The following SPG7 variants were observed in gnomAD, a reference collection of about 807,000 sequenced individuals.
SPG7 encodes the protein SPG7 matrix AAA peptidase subunit, paraplegin.
In SPG7, 103 loss-of-function variants were observed where a neutral mutation model predicts 81.9. That is an observed-to-expected ratio of 1.26 (90% confidence interval 1.07 to 1.48). The LOEUF (loss-of-function observed/expected upper bound fraction) is 1.48. Ranked by LOEUF, SPG7 falls within the 40% of genes most tolerant of loss-of-function variation. SPG7 has a pLI of 0.00. For missense variants in SPG7, 1,241 were observed against 1,087.3 expected (o/e 1.14, Z -1.99); for synonymous variants, 534 against 444.2 (o/e 1.20, Z -2.54).
At position 89,556,982 on chromosome 16, in the gene SPG7, A is replaced by G; in HGVS notation, c.2277A>G (p.Ala759=). Residue 759 remains alanine (A), a synonymous_variant, in exon 17 of 17, where the codon GCA becomes GCG. Coordinates refer to ENST00000645818, the MANE Select transcript of SPG7 (RefSeq NM_003119.4). ...CCCATGGGCCGAAGAAAATGATCGC[A>G]CCGCAGAGGTGGATCGACGCCCAGA... ...PPPHGPKKMI[A]PQRWIDAQRE... The G allele has an allele frequency of 6.2e-7, 1 of 1,613,896 alleles. No individual in the cohort carries two copies. The highest frequency in any genetic ancestry group is 8.5e-7 in the Non-Finnish European group (1 of 1,179,912).
chr16:89,518,956 A>G (rs1254858191), intron 3 of SPG7: 14 of 152,092 alleles, frequency 9.2e-5, no homozygotes, highest in Admixed American at 9.2e-4. Flanking sequence ...GCAGGGGGAC[A>G]AGGTATTGCT....
chr16:89,547,291 C>G (rs2152410072), intron 11 of SPG7: 1 of 184,998 alleles, frequency 5.4e-6, no homozygotes, highest in East Asian at 1.4e-4. Flanking sequence ...TACTAGAGAG[C>G]CTTTAATTTC....
chr16:89,539,896 G>T (rs752400256), intron 9 of SPG7: 1 of 152,140 alleles, frequency 6.6e-6, no homozygotes, highest in Non-Finnish European at 1.5e-5. Context: ...TCTTATAGAA[G>T]TTTTATATTT....
Position 89,544,640 on chromosome 16 carries a change from C to A in SPG7, c.1325-8C>A. On this transcript the variant is annotated splice_polypyrimidine_tract_variant and splice_region_variant and intron_variant, in intron 9 of 16. Coordinates refer to ENST00000645818, the MANE Select transcript of SPG7 (RefSeq NM_003119.4). ...CCCTCAGAGCCACTGTCTGCTCTGT[C>A]CCCTCAGGAATGGGTACCACAGACC... 1 of 1,613,924 alleles carries A rather than the reference C, an allele frequency of 6.2e-7. No homozygotes were observed. Among genetic ancestry groups the A allele is most frequent in the Non-Finnish European group, 8.5e-7 (1 of 1,179,910 alleles).
At position 89,557,455 on chromosome 16, in the gene SPG7, C is replaced by T. The variant is rs111725561; in HGVS notation, c.*362C>T. ...CCAAACAGACCCCTGTTCATGCCGA[C>T]GCTTGCACGACCGCCCCAGTTCCTG... On this transcript the variant is annotated 3_prime_UTR_variant, in exon 17 of 17. Coordinates refer to ENST00000645818, the MANE Select transcript of SPG7 (RefSeq NM_003119.4). The T allele has an allele frequency of 3.8e-3, 1,182 of 307,188 alleles. 13 individuals are homozygous for T. The highest frequency in any genetic ancestry group is 0.024 in the African/African-American group (1,121 of 46,506). The allele number at this position is 307,188 out of a possible 1,614,324, so 19.0% of individuals were successfully genotyped here.
intron 3 of SPG7, 74 bp from the exon 4 acceptor site, chr16:89,523,932 G>C: frequency 1.9e-6 from 3 of 1,588,576 alleles, no homozygotes; most frequent in Non-Finnish European, 1.7e-6. Flanking sequence ...GAGCTTTCCT[G>C]AGGAAGCTCT....
At chr16:89,540,710 T>G (rs995982230) in intron 9 of SPG7, 1 of 186,244 alleles carries the variant, frequency 5.4e-6, no homozygotes, top group Non-Finnish European at 1.0e-5. Flanking sequence ...GGAAACAGTT[T>G]GGCAGCTTCT....
intron 10 of SPG7, chr16:89,545,277 C>T (rs2058548302): frequency 1.6e-5 from 4 of 257,596 alleles, no homozygotes; most frequent in African/African-American, 6.7e-5. Context: ...TGTCACAGGG[C>T]TCTGGTTGGA....
intron 10 of SPG7, chr16:89,545,555 C>G (rs1373636742): frequency 9.6e-6 from 2 of 209,336 alleles, no homozygotes; most frequent in African/African-American, 4.8e-5. Context: ...GACATGGCTT[C>G]TCCAGGGGAC....
At position 89,531,974 on chromosome 16, in the gene SPG7, G is replaced by A. The variant is rs1215285492; in HGVS notation, c.1058G>A (p.Cys353Tyr). ...GCACTGCTGCTCGGCCCCCCCGGCTGTGGGAAGACGCTGCTGGCCAAGGCG... is the reference window on the plus strand; with the variant it reads ...GCACTGCTGCTCGGCCCCCCCGGCTATGGGAAGACGCTGCTGGCCAAGGCG... ...KGALLLGPPGCGKTLLAKAVA... is the reference protein window; with the variant it reads ...KGALLLGPPGYGKTLLAKAVA... Residue 353 changes from cysteine to tyrosine, a missense_variant, in exon 8 of 17, where the codon TGT (cysteine) becomes TAT (tyrosine). Transcript: ENST00000645818. 2 of 1,613,838 alleles carry A rather than the reference G, an allele frequency of 1.2e-6. No homozygotes were observed. The highest frequency in any genetic ancestry group is 2.7e-5 in the African/African-American group (2 of 74,950).
In SPG7 at chr16:89,557,479, T is replaced by C; in HGVS notation, c.*386T>C. ...ACGCTTGCACGACCGCCCCAGTTCC[T>C]GTGGCTCCCTCGGAATGCTAAGGGG... On this transcript the variant is annotated 3_prime_UTR_variant, in exon 17 of 17. Coordinates refer to ENST00000645818, the MANE Select transcript of SPG7 (RefSeq NM_003119.4). 3.5e-6 allele frequency: 1 copy of C among 285,560 alleles called. No homozygotes were observed. Among genetic ancestry groups the C allele is most frequent in the South Asian group, 3.6e-5 (1 of 27,942 alleles). 17.7% of individuals were successfully genotyped at this position (285,560 alleles called of 1,614,324 possible).
chr16:89,514,988 G>A (rs887794734), intron 3 of SPG7, among the ~76,000 whole-genome samples: 2 of 148,026 alleles, frequency 1.4e-5, no homozygotes, highest in Non-Finnish European at 3.0e-5. Flanking sequence ...CTGGGCTGGA[G>A]TGCAGTGGTG....
intron 5 of SPG7, chr16:89,528,899 C>T (rs1266736454): frequency 5.7e-6 from 1 of 175,394 alleles, no homozygotes; most frequent in Non-Finnish European, 1.2e-5. Flanking sequence ...GCAGCCTTCA[C>T]CTCCTAGGTT....
At chr16:89,512,396 ACCTCCGCCT>A (rs2058034952) in intron 2 of SPG7, among the ~76,000 whole-genome samples, 1 of 150,500 alleles carries the variant, frequency 6.6e-6, no homozygotes, top group Non-Finnish European at 1.5e-5. Flanking sequence ...GCTCACTGCA[ACCTCCGCCT>A]CCCGGGTTCA....
At chr16:89,517,501 G>C (rs1432232203) in intron 3 of SPG7, 1 of 152,264 alleles carries the variant, frequency 6.6e-6, no homozygotes, top group Non-Finnish European at 1.5e-5. Flanking sequence ...CCTGGCGTGA[G>C]GAAGGGCAGG....
chr16:89,516,283 C>A (rs993662951), intron 3 of SPG7, among the ~76,000 whole-genome samples: 1 of 151,730 alleles, frequency 6.6e-6, no homozygotes, highest in Admixed American at 6.6e-5. Context: ...CCACCACGCC[C>A]GGCCGTTCGT....
chr16:89,513,172 A>G (rs1567896461), intron 3 of SPG7, 135 bp downstream of exon 3: 2 of 1,337,498 alleles, frequency 1.5e-6, no homozygotes, highest in Non-Finnish European at 2.1e-6. Context: ...CTTGTAATCG[A>G]AACGCTTTGG....
intron 9 of SPG7, chr16:89,537,507 A>ACTCGTC: frequency 1.0e-6 from 1 of 993,710 alleles, no homozygotes; most frequent in Admixed American, 5.7e-5. Flanking sequence ...CACACAGAAA[A>ACTCGTC]GGCTGCTGTG....
chr16:89,554,627 C>A, intron 16 of SPG7, 64 bp downstream of exon 16: 1 of 1,090,948 alleles, frequency 9.2e-7, no homozygotes, highest in Non-Finnish European at 1.4e-6. Flanking sequence ...ACCCACGGTC[C>A]CCACCCCTCT....
Sources: gnomAD v4.1 joint callset for allele counts (sites outside exome capture counted in the v4.1 genomes callset) on GRCh38, gnomAD v4.1.1 for gene constraint, MANE v1.5 for transcripts, NCBI Gene and HGNC (gene_info 2026-07-23, HGNC 2026-07-21) for gene names.